The following TRAPPC9 variants were observed in gnomAD, a reference collection of about 807,000 sequenced individuals.
TRAPPC9 encodes the protein IKK2 binding protein.
TRAPPC9 carries 83 observed loss-of-function variants against 124.0 expected under a neutral mutation model. That is an observed-to-expected ratio of 0.67 (90% CI 0.56 to 0.80). The LOEUF is 0.80. TRAPPC9 is among the 30% of genes least tolerant of loss of function. The probability of loss-of-function intolerance (pLI) is 0.00; values close to 1 mark genes in which losing one functional copy is unlikely to be tolerated. For synonymous variants in TRAPPC9, 638 were observed against 617.5 expected (o/e 1.03, Z -0.49); for missense variants, 1,302 against 1,508.3 (o/e 0.86, Z 2.27).
At chr8:140,431,706 G>A (rs185931982) in intron 4 of TRAPPC9, among the ~76,000 whole-genome samples, 2 of 152,288 alleles carry the variant, frequency 1.3e-5, no homozygotes, top group East Asian at 3.9e-4. Flanking sequence ...GCTCATAGAT[G>A]CAGAGCGAGG....
intron 17 of TRAPPC9, among the ~76,000 whole-genome samples, chr8:140,047,516 C>T (rs1340416877): frequency 6.6e-6 from 1 of 152,182 alleles, no homozygotes; most frequent in Non-Finnish European, 1.5e-5. Context: ...CGAGTGACTG[C>T]CTCGGGATAT....
intron 19 of TRAPPC9, among the ~76,000 whole-genome samples, chr8:139,956,853 G>A (rs531742624): frequency 2.0e-5 from 3 of 152,300 alleles, no homozygotes; most frequent in African/African-American, 4.8e-5. Context: ...GCTGAGGGGT[G>A]AATTCTGTGG....
At position 140,134,249 on chromosome 8, in the gene TRAPPC9, T is replaced by C. The variant is rs912572719; in HGVS notation, c.2556+87210A>G. ...GTCAAGAAATAAACTCATACTTCTA[T>C]AGCCAATTGATTGTCTTCTTTTTTT... On this transcript the variant is annotated intron_variant, in intron 17 of 22. Coordinates refer to ENST00000438773, the MANE Select transcript of TRAPPC9 (RefSeq NM_001160372.4). Among the ~76,000 whole-genome samples, 8 of 151,782 alleles carry C rather than the reference T, an allele frequency of 5.3e-5. No homozygotes were observed. In the East Asian group the frequency reaches 5.8e-4, roughly 11 times the overall value.
chr8:140,158,656 A>T (rs1456154361), intron 17 of TRAPPC9, among the ~76,000 whole-genome samples: 1 of 152,260 alleles, frequency 6.6e-6, no homozygotes, highest in Non-Finnish European at 1.5e-5. Flanking sequence ...CTTCTAAAGT[A>T]AACGATATTT....
chr8:140,283,751 G>T, intron 14 of TRAPPC9, 138 bp downstream of exon 14: 2 of 893,818 alleles, frequency 2.2e-6, no homozygotes, highest in Non-Finnish European at 3.6e-6. Context: ...TATTGATGTT[G>T]CTTATCTTAC....
intron 17 of TRAPPC9, among the ~76,000 whole-genome samples, chr8:140,090,015 G>A (rs894348286): frequency 1.3e-5 from 2 of 152,098 alleles, no homozygotes; most frequent in Non-Finnish European, 2.9e-5. Context: ...GGGAGGTGGA[G>A]GATGCAGTGA....
At chr8:140,371,205 A>G (rs1277803859) in intron 7 of TRAPPC9, 25 bp from the exon 8 acceptor site, 1 of 1,579,730 alleles carries the variant, frequency 6.3e-7, no homozygotes, top group Non-Finnish European at 8.6e-7. Flanking sequence ...GAAAGTAAAA[A>G]GCTTTTGAAA....
Position 140,450,965 on chromosome 8 carries a change from TG to T in TRAPPC9, c.408del (p.Asn137ThrfsTer52), listed in dbSNP as rs779958856. ...EQPRTDVAFYPNYEDCQTVEK... is the reference protein window; with the variant it reads ...EQPRTDVAFYXNYEDCQTVEK... ...TCCACCGTCTGGCAGTCCTCGTAGT[TG>T]GGGTAGAAAGCCACGTCGGTGCGCG... On this transcript the variant is annotated frameshift_variant, in exon 2 of 23. Transcript: ENST00000438773. LOFTEE classifies it high-confidence loss of function. 1 of 1,614,082 alleles carries T rather than the reference TG, an allele frequency of 6.2e-7. No individual in the cohort carries two copies. Among genetic ancestry groups the T allele is most frequent in the South Asian group, 1.1e-5 (1 of 91,074 alleles).
chr8:139,763,612 A>G (rs1820381120), intron 21 of TRAPPC9, among the ~76,000 whole-genome samples: 1 of 73,084 alleles, frequency 1.4e-5, no homozygotes. Context: ...GCACATAAAC[A>G]CACACACACA....
At chr8:140,436,424 A>C (rs2070816456) in intron 3 of TRAPPC9, among the ~76,000 whole-genome samples, 1 of 152,264 alleles carries the variant, frequency 6.6e-6, no homozygotes, top group Non-Finnish European at 1.5e-5. Flanking sequence ...TTCCAAAACA[A>C]AAATAAAGTA....
chr8:140,030,093 A>G (rs1332028571), intron 17 of TRAPPC9, among the ~76,000 whole-genome samples: 1 of 152,156 alleles, frequency 6.6e-6, no homozygotes, highest in African/African-American at 2.4e-5. Context: ...ACCCATTTAT[A>G]GTTTTTTAAA....
In TRAPPC9 at chr8:140,375,024, C is replaced by T. The variant is rs113770678; in HGVS notation, c.1135-3844G>A. Among the ~76,000 whole-genome samples the T allele has an allele frequency of 4.6e-3, 694 of 152,252 alleles. 8 individuals are homozygous for T. The highest frequency in any genetic ancestry group is 0.016 in the African/African-American group (654 of 41,538). ...AATGGGAAAAGCTCGAGCGCAACTG[C>T]TTTTGGGCACTAGGCAGACAATTGA... On this transcript the variant is annotated intron_variant, in intron 7 of 22. Coordinates refer to ENST00000438773, the MANE Select transcript of TRAPPC9 (RefSeq NM_001160372.4).
intron 9 of TRAPPC9, among the ~76,000 whole-genome samples, chr8:140,339,276 G>C (rs1395174663): frequency 6.6e-6 from 1 of 152,234 alleles, no homozygotes; most frequent in East Asian, 1.9e-4. Context: ...CTGGCCTTTG[G>C]GGCCAGAATA....
intron 21 of TRAPPC9, among the ~76,000 whole-genome samples, chr8:139,799,500 T>C (rs7814631): frequency 0.65 from 98,638 of 152,002 alleles, 32,215 homozygotes; most frequent in South Asian, 0.68. Context: ...CCTTACCCTC[T>C]CTGAATCACC....
intron 8 of TRAPPC9, among the ~76,000 whole-genome samples, chr8:140,368,850 C>G (rs762379033): frequency 6.6e-6 from 1 of 152,058 alleles, no homozygotes. Flanking sequence ...GAGTTTGAGG[C>G]CAGCCTGGGC....
chr8:139,815,523 G>T (rs912733509), intron 21 of TRAPPC9, among the ~76,000 whole-genome samples: 1 of 152,082 alleles, frequency 6.6e-6, no homozygotes, highest in African/African-American at 2.4e-5. Flanking sequence ...AAGTGGCTGG[G>T]ATTACAGACT....
At position 139,785,537 on chromosome 8, in the gene TRAPPC9, AACACACACACACACAC is replaced by A. The variant is rs57202244; in HGVS notation, c.3056-53351_3056-53336del. Reference sequence around the variant, plus strand: ...ACATGGTGAAACCTCATCTCTACTAAACACACACACACACACACACACACACACACACACACACACA... The same window carrying A: ...ACATGGTGAAACCTCATCTCTACTAAACACACACACACACACACACACACA... On this transcript the variant is annotated intron_variant, in intron 21 of 22. Transcript: ENST00000438773. Among the ~76,000 whole-genome samples, 108 of 138,300 alleles carry A rather than the reference AACACACACACACACAC, an allele frequency of 7.8e-4. No individual in the cohort carries two copies. In the Middle Eastern group the frequency reaches 0.018, roughly 24 times the overall value. 90.7% of individuals were successfully genotyped at this position (138,300 alleles called of 152,430 possible).
intron 17 of TRAPPC9, among the ~76,000 whole-genome samples, chr8:140,140,702 G>C (rs1296787060): frequency 6.6e-6 from 1 of 152,058 alleles, no homozygotes; most frequent in Non-Finnish European, 1.5e-5. Context: ...AGCAAAGTTG[G>C]ACCAAGTCAG....
At chr8:140,340,567 C>T (rs1438017581) in intron 9 of TRAPPC9, among the ~76,000 whole-genome samples, 1 of 152,222 alleles carries the variant, frequency 6.6e-6, no homozygotes, top group African/African-American at 2.4e-5. Flanking sequence ...ATAAATCCTC[C>T]ACCTAACTAG....
Sources: gnomAD v4.1 joint callset for allele counts (sites outside exome capture counted in the v4.1 genomes callset) on GRCh38, gnomAD v4.1.1 for gene constraint, MANE v1.5 for transcripts, NCBI Gene and HGNC (gene_info 2026-07-23, HGNC 2026-07-21) for gene names.